Variants in AFF3 observed in about 807,000 individuals in gnomAD.
AFF3 encodes the protein ALF transcription elongation factor 3.
In AFF3, 32 loss-of-function variants were observed where a neutral mutation model predicts 129.7. That is an observed-to-expected ratio of 0.25 (90% confidence interval 0.19 to 0.33). AFF3 has a LOEUF of 0.33. AFF3 is among the 10% of genes least tolerant of loss of function. The pLI is 1.00. For missense variants in AFF3, 1,373 were observed against 1,592.0 expected (o/e 0.86, Z 2.34); for synonymous variants, 644 against 635.4 (o/e 1.01, Z -0.20).
At chr2:99,768,045 T>C (rs777823996) in intron 8 of AFF3, among the ~76,000 whole-genome samples, 1 of 152,206 alleles carries the variant, frequency 6.6e-6, no homozygotes, top group Non-Finnish European at 1.5e-5. Flanking sequence ...TTAACCTTCC[T>C]TAATTGTTGT....
chr2:100,038,873 C>T (rs904034137), intron 4 of AFF3, among the ~76,000 whole-genome samples: 5 of 151,956 alleles, frequency 3.3e-5, no homozygotes, highest in East Asian at 1.9e-4. Flanking sequence ...CAGGTGCCCA[C>T]GACCACGCCC....
chr2:100,038,231 C>A (rs1685134032), intron 4 of AFF3, among the ~76,000 whole-genome samples: 1 of 152,032 alleles, frequency 6.6e-6, no homozygotes, highest in Non-Finnish European at 1.5e-5. Flanking sequence ...CGCCCGCTTC[C>A]CCACCACTCT....
chr2:99,976,738 C>T (rs1678923651), intron 7 of AFF3, among the ~76,000 whole-genome samples: 1 of 151,484 alleles, frequency 6.6e-6, no homozygotes, highest in African/African-American at 2.4e-5. Flanking sequence ...AATTTCATTT[C>T]AGGTAGCCTG....
chr2:99,671,265 C>T (rs1307999697), intron 12 of AFF3, among the ~76,000 whole-genome samples: 1 of 152,188 alleles, frequency 6.6e-6, no homozygotes, highest in African/African-American at 2.4e-5. Flanking sequence ...TGAAGTCATT[C>T]TACATTTCTG....
intron 8 of AFF3, among the ~76,000 whole-genome samples, chr2:99,831,005 C>T (rs1199731184): frequency 6.6e-6 from 1 of 152,174 alleles, no homozygotes; most frequent in African/African-American, 2.4e-5. Flanking sequence ...CTCACACACA[C>T]CCACACTCAC....
chr2:99,698,557 T>C (rs1676530318), intron 11 of AFF3, among the ~76,000 whole-genome samples: 1 of 152,230 alleles, frequency 6.6e-6, no homozygotes, highest in South Asian at 2.1e-4. Flanking sequence ...TGGAACACTT[T>C]TGTATCAGTT....
chr2:99,551,955 T>G (rs948689060), intron 24 of AFF3, among the ~76,000 whole-genome samples: 4 of 152,222 alleles, frequency 2.6e-5, no homozygotes, highest in African/African-American at 9.6e-5. Flanking sequence ...AATTCTGGTA[T>G]GCGCTGAGCC....
intron 11 of AFF3, among the ~76,000 whole-genome samples, chr2:99,684,614 AT>A (rs199580507): frequency 2.7e-3 from 383 of 143,302 alleles, no homozygotes; most frequent in Middle Eastern, 3.7e-3. Context: ...CCATGAATTC[AT>A]TTTTTTTTTT....
At chr2:99,806,572 G>A (rs768051469) in intron 8 of AFF3, among the ~76,000 whole-genome samples, 1 of 152,116 alleles carries the variant, frequency 6.6e-6, no homozygotes, top group Non-Finnish European at 1.5e-5. Flanking sequence ...TTGATGGGGG[G>A]AAATCCCAGT....
intron 7 of AFF3, among the ~76,000 whole-genome samples, chr2:99,992,065 C>T (rs1425928884): frequency 6.6e-6 from 1 of 151,578 alleles, no homozygotes; most frequent in Admixed American, 6.6e-5. Flanking sequence ...AGAATGTATA[C>T]ATTTAGAGTA....
chr2:99,820,880 T>C (rs1268555298), intron 8 of AFF3, among the ~76,000 whole-genome samples: 1 of 132,488 alleles, frequency 7.5e-6, no homozygotes, highest in Non-Finnish European at 1.7e-5. Context: ...CTTTTTTTTT[T>C]TTTTTTTTTT....
chr2:99,836,361 G>C lies in AFF3; in HGVS notation c.921+1116C>G, dbSNP rs143988105. 9.0e-4 allele frequency among the ~76,000 whole-genome samples: 137 copies of C among 152,204 alleles called. 1 individual carries two copies. Among genetic ancestry groups the C allele is most frequent in the Non-Finnish European group, 1.7e-3 (119 of 68,002 alleles). ...TTCTTTAACTGGAAACAAAGCCCCAGAATAGAGACAATATAGATATAAAAT... is the reference window on the plus strand; with the variant it reads ...TTCTTTAACTGGAAACAAAGCCCCACAATAGAGACAATATAGATATAAAAT... On this transcript the variant is annotated intron_variant, in intron 8 of 24. Coordinates refer to ENST00000672756, the MANE Select transcript of AFF3 (RefSeq NM_001386135.1).
Position 99,587,285 on chromosome 2 carries a change from G to T in AFF3, c.2467-7C>A, listed in dbSNP as rs535697089. ...AGTCGTCTTCGTTGTCACACTGTATGGGAATAAACTAAAGTCAATCAGCAC... is the reference window on the plus strand; with the variant it reads ...AGTCGTCTTCGTTGTCACACTGTATTGGAATAAACTAAAGTCAATCAGCAC... On this transcript the variant is annotated splice_region_variant and splice_polypyrimidine_tract_variant and intron_variant, in intron 15 of 24. Coordinates refer to ENST00000672756, the MANE Select transcript of AFF3 (RefSeq NM_001386135.1). 2 of 1,613,918 alleles carry T rather than the reference G, an allele frequency of 1.2e-6. No individual in the cohort carries two copies. Among genetic ancestry groups the T allele is most frequent in the South Asian group, 2.2e-5 (2 of 91,036 alleles).
chr2:99,988,178 CA>C (rs962280734), intron 7 of AFF3, among the ~76,000 whole-genome samples: 2 of 152,030 alleles, frequency 1.3e-5, no homozygotes, highest in African/African-American at 2.4e-5. Context: ...GGAGTGAAGG[CA>C]GGGGGAGAAG....
rs1680985570 is a variant in AFF3 at position 99,612,054 on chromosome 2, C to T, written c.1185-10433G>A. On this transcript the variant is annotated intron_variant, in intron 13 of 24. Coordinates refer to ENST00000672756, the MANE Select transcript of AFF3 (RefSeq NM_001386135.1). ...AAAGGAAACCTGGGGAAGTCACCAC[C>T]ATGTCTTTTCCTCAGGCCCGAAGGC... is the stretch of plus-strand genomic sequence containing the variant. Among the ~76,000 whole-genome samples the T allele has an allele frequency of 2.6e-5, 4 of 152,276 alleles. No homozygotes were observed. In the South Asian group the frequency reaches 8.3e-4, roughly 32 times the overall value.
chr2:99,918,733 C>T (rs943069743), intron 7 of AFF3, among the ~76,000 whole-genome samples: 1 of 152,154 alleles, frequency 6.6e-6, no homozygotes, highest in Admixed American at 6.5e-5. Context: ...CTAGTAATTA[C>T]TTGAAACCAA....
chr2:99,555,209 C>A (rs1559470705), intron 22 of AFF3, among the ~76,000 whole-genome samples: 1 of 151,984 alleles, frequency 6.6e-6, no homozygotes, highest in Non-Finnish European at 1.5e-5. Flanking sequence ...CTTGAAGCAG[C>A]CTTACTTTTT....
chr2:99,714,850 T>C (rs1170620638), intron 11 of AFF3, among the ~76,000 whole-genome samples: 4 of 152,204 alleles, frequency 2.6e-5, no homozygotes, highest in African/African-American at 7.2e-5. Context: ...ATGAGCTAAT[T>C]AAAAAATTTT....
chr2:99,975,136 A>G (rs1309017538), intron 7 of AFF3, among the ~76,000 whole-genome samples: 2 of 152,218 alleles, frequency 1.3e-5, no homozygotes, highest in African/African-American at 4.8e-5. Flanking sequence ...GCCAAGGTCA[A>G]CTTGATTTTG....
Sources: gnomAD v4.1 joint callset for allele counts (sites outside exome capture counted in the v4.1 genomes callset) on GRCh38, gnomAD v4.1.1 for gene constraint, MANE v1.5 for transcripts, NCBI Gene and HGNC (gene_info 2026-07-23, HGNC 2026-07-21) for gene names.